KIFC3: variants seen among roughly 807,000 people sequenced by gnomAD.
KIFC3 encodes the protein kinesin family member C3.
KIFC3 carries 60 observed loss-of-function variants against 101.8 expected under a neutral mutation model. That is an observed-to-expected ratio of 0.59 (90% confidence interval 0.48 to 0.73). The LOEUF is 0.73. KIFC3 is among the 30% of genes least tolerant of loss of function. The pLI is 0.00. For missense variants in KIFC3, 966 were observed against 1,137.1 expected, an observed-to-expected ratio of 0.85 and a Z score of 2.16; for synonymous variants, 476 against 482.7, an observed-to-expected ratio of 0.99 and a Z score of 0.18.
chr16:57,809,477 G>A (rs1310712108), intron 1 of KIFC3, among the ~76,000 whole-genome samples: 1 of 152,094 alleles, frequency 6.6e-6, no homozygotes, highest in Non-Finnish European at 1.5e-5. Flanking sequence ...ATTTTAAATG[G>A]CTGCATAATA....
At position 57,758,416 on chromosome 16, in the gene KIFC3, C is replaced by T. The variant is rs935403869; in HGVS notation, c.*518G>A. On this transcript the variant is annotated 3_prime_UTR_variant, in exon 20 of 20. Coordinates refer to ENST00000445690, the MANE Select transcript of KIFC3 (RefSeq NM_001130100.2). ...CCCGTGGCGGGAGGCCATGCGCCTC[C>T]GCACACCCCCCAGCTGCGGGAACCC... 1.7e-5 allele frequency: 6 copies of T among 363,556 alleles called. No individual in the cohort carries two copies. The highest frequency in any genetic ancestry group is 7.3e-5 in the East Asian group (1 of 13,692). 22.5% of individuals were successfully genotyped at this position (363,556 alleles called of 1,614,324 possible).
rs982234184 is a variant in KIFC3 at position 57,758,410 on chromosome 16, C to T, written c.*524G>A. On this transcript the variant is annotated 3_prime_UTR_variant, in exon 20 of 20. Coordinates refer to ENST00000445690, the MANE Select transcript of KIFC3 (RefSeq NM_001130100.2). The stretch of plus-strand genomic sequence containing the variant: ...CACGGCCCCGTGGCGGGAGGCCATG[C>T]GCCTCCGCACACCCCCCAGCTGCGG... 1.1e-4 allele frequency: 41 copies of T among 357,576 alleles called. No homozygotes were observed. The highest frequency in any genetic ancestry group is 8.1e-4 in the South Asian group (38 of 47,068). The allele number at this position is 357,576 out of a possible 1,614,324, so 22.2% of individuals were successfully genotyped here.
intron 7 of KIFC3, 109 bp from the exon 8 acceptor site, chr16:57,770,064 ACACACACATGTG>A: frequency 7.5e-7 from 1 of 1,332,418 alleles, no homozygotes; most frequent in Middle Eastern, 1.9e-4. Context: ...ACACACATGC[ACACACACATGTG>A]CACACCCAGA....
intron 18 of KIFC3, 60 bp downstream of exon 18, chr16:57,759,668 G>T: frequency 7.7e-7 from 1 of 1,294,282 alleles, no homozygotes; most frequent in Non-Finnish European, 1.1e-6. Flanking sequence ...CCAGGTAAGG[G>T]CAGCCTGGTG....
chr16:57,802,329 G>C lies in KIFC3; in HGVS notation c.-40+41C>G, dbSNP rs1555625810. ...CAAACGGCGGGCCGGGCAGAGCCCA[G>C]CGCCCCGCTCGCACCCAGCCCGCCC... On this transcript the variant is annotated intron_variant, in intron 1 of 19. Transcript: ENST00000445690. The surrounding 1 kb of genome is among the most constrained non-coding windows in gnomAD (Gnocchi z 5.0). 1.1e-6 allele frequency: 1 copy of C among 947,296 alleles called. No individual in the cohort carries two copies. Among genetic ancestry groups the C allele is most frequent in the Non-Finnish European group, 1.3e-6 (1 of 795,908 alleles). 58.7% of individuals were successfully genotyped at this position (947,296 alleles called of 1,614,324 possible). A position where few individuals can be genotyped will look rare whatever the true frequency, so the allele number is the denominator to read the frequency against.
chr16:57,787,337 G>A (rs1392676919), intron 3 of KIFC3, among the ~76,000 whole-genome samples: 1 of 152,228 alleles, frequency 6.6e-6, no homozygotes, highest in Non-Finnish European at 1.5e-5. Context: ...CACAGGTGTG[G>A]GTGGCTGTTA....
intron 1 of KIFC3, among the ~76,000 whole-genome samples, chr16:57,860,506 T>C (rs1454117372): frequency 1.3e-5 from 2 of 152,124 alleles, no homozygotes; most frequent in Admixed American, 1.3e-4. Flanking sequence ...ATAATTAACT[T>C]ACATATGTTC....
intron 1 of KIFC3, among the ~76,000 whole-genome samples, chr16:57,841,419 A>C (rs1414981287): frequency 6.6e-6 from 1 of 152,170 alleles, no homozygotes; most frequent in African/African-American, 2.4e-5. Flanking sequence ...TAATCCCAGC[A>C]CCTTGGGAGG....
chr16:57,796,828 T>C (rs1368163760), intron 2 of KIFC3, among the ~76,000 whole-genome samples: 2 of 152,234 alleles, frequency 1.3e-5, no homozygotes, highest in African/African-American at 2.4e-5. Flanking sequence ...ATTTCCTTTT[T>C]GATATTTTTC....
At position 57,761,419 on chromosome 16, in the gene KIFC3, G is replaced by A; in HGVS notation, c.1866C>T (p.Ile622=). 6.2e-7 allele frequency: 1 copy of A among 1,614,006 alleles called. No individual in the cohort carries two copies. The highest frequency in any genetic ancestry group is 1.1e-5 in the South Asian group (1 of 91,084). The change falls in exon 14 of 20, where the codon ATC becomes ATT. Residue 622 remains isoleucine, a synonymous_variant. Transcript: ENST00000445690. ...TEFQVQSVDD[I]NKVFEFGHTN... is the part of the protein sequence containing the mutation. Reference sequence around the variant, plus strand: ...GGGGCTCCCGCCTCCACACCTTGTTGATGTCGTCCACGCTCTGCACTTGGA... The same window carrying A: ...GGGGCTCCCGCCTCCACACCTTGTTAATGTCGTCCACGCTCTGCACTTGGA...
chr16:57,835,100 G>A (rs1293905906), intron 1 of KIFC3, among the ~76,000 whole-genome samples: 9 of 152,192 alleles, frequency 5.9e-5, no homozygotes, highest in Non-Finnish European at 1.3e-4. Context: ...AAGAACGGAG[G>A]CGGGTTCTCT....
chr16:57,808,136 C>T (rs2054985061), upstream of KIFC3, among the ~76,000 whole-genome samples: 1 of 152,108 alleles, frequency 6.6e-6, no homozygotes, highest in African/African-American at 2.4e-5. Flanking sequence ...TCCCTCCCTC[C>T]TAGCACTCCA....
At position 57,760,822 on chromosome 16, in the gene KIFC3, G is replaced by A. The variant is rs1555595916; in HGVS notation, c.2136C>T (p.Arg712=). Reference sequence around the variant, plus strand: ...GGAAGGGCACGTGGCCCTGGCGGGAGCGCAGGGCAGCAATGACGTCCCCCA... The same window carrying A: ...GGAAGGGCACGTGGCCCTGGCGGGAACGCAGGGCAGCAATGACGTCCCCCA... ...SALGDVIAAL[R]SRQGHVPFRN... Residue 712 remains arginine (R), a synonymous_variant, in exon 16 of 20, where the codon CGC becomes CGT. Transcript: ENST00000445690. 6.8e-6 allele frequency: 11 copies of A among 1,613,496 alleles called. No homozygotes were observed. Among genetic ancestry groups the A allele is most frequent in the Non-Finnish European group, 9.3e-6 (11 of 1,179,988 alleles).
At chr16:57,816,580 G>T (rs868926480) in intron 1 of KIFC3, 3 of 456,628 alleles carry the variant, frequency 6.6e-6, no homozygotes, top group African/African-American at 6.0e-5. Context: ...GCGGAGGAAT[G>T]TTGTTGCCAG....
chr16:57,831,201 G>A (rs1215939458), intron 1 of KIFC3, among the ~76,000 whole-genome samples: 1 of 152,358 alleles, frequency 6.6e-6, no homozygotes, highest in East Asian at 1.9e-4. Flanking sequence ...CCGCCATGGA[G>A]ACTCAGCGCT....
At chr16:57,776,536 T>C (rs782393249) in intron 3 of KIFC3, 7 of 407,794 alleles carry the variant, frequency 1.7e-5, no homozygotes, top group Non-Finnish European at 2.3e-5. Context: ...TCTCTTAGTT[T>C]CCTTATTTGT....
intron 1 of KIFC3, among the ~76,000 whole-genome samples, chr16:57,857,818 CTTTCTTTT>C (rs1471115594): frequency 1.1e-4 from 11 of 96,000 alleles, no homozygotes; most frequent in East Asian, 5.7e-4. Flanking sequence ...TTCTTTCTTT[CTTTCTTTT>C]TTTTTTTTTT....
rs74019707 is a variant in KIFC3 at position 57,843,450 on chromosome 16, A to G, written c.108+19279T>C. On this transcript the variant is annotated intron_variant, in intron 1 of 2. Coordinates refer to the KIFC3 transcript ENST00000563028. Reference sequence around the variant, plus strand: ...AACTGAGATACAGGCTGGTCCAGTGACTTGCTCAAGGCCCTTGCCAGGAAC... The same window carrying G: ...AACTGAGATACAGGCTGGTCCAGTGGCTTGCTCAAGGCCCTTGCCAGGAAC... 8.4e-3 allele frequency among the ~76,000 whole-genome samples: 1,284 copies of G among 152,298 alleles called. 21 individuals carry two copies. Among genetic ancestry groups the G allele is most frequent in the African/African-American group, 0.03 (1,227 of 41,554 alleles).
intron 3 of KIFC3, chr16:57,788,622 GC>G (rs1568028023): frequency 7.8e-7 from 1 of 1,289,476 alleles, no homozygotes. Flanking sequence ...GGCCTCCCGG[GC>G]CCGCCTGGGG....
Sources: gnomAD v4.1 joint callset for allele counts (sites outside exome capture counted in the v4.1 genomes callset) on GRCh38, gnomAD v4.1.1 for gene constraint, Gnocchi (gnomAD v3.1) non-coding constraint, MANE v1.5 for transcripts, NCBI Gene and HGNC (gene_info 2026-07-23, HGNC 2026-07-21) for gene names.